Variants in PNKD observed in about 807,000 individuals in gnomAD.
PNKD encodes the protein PNKD metallo-beta-lactamase domain containing.
A neutral mutation model predicts 45.3 loss-of-function variants in PNKD; 36 were observed. The ratio of observed to expected loss-of-function variants is 0.80; its 90% CI spans 0.61 to 1.05. The LOEUF (loss-of-function observed/expected upper bound fraction) is 1.05. Ranked by LOEUF, PNKD falls within the 50% of genes least tolerant of loss-of-function variation. PNKD has a pLI of 0.00. For synonymous variants in PNKD, 197 were observed against 210.1 expected, an observed-to-expected ratio of 0.94 and a Z score of 0.54; for missense variants, 511 against 506.6, an observed-to-expected ratio of 1.01 and a Z score of -0.08.
intron 2 of PNKD, among the ~76,000 whole-genome samples, chr2:218,322,422 G>C (rs576945650): frequency 8.8e-4 from 134 of 152,320 alleles, no homozygotes; most frequent in Middle Eastern, 6.8e-3. Context: ...AGGGAGCTGG[G>C]AACGGTGATG....
intron 2 of PNKD, chr2:218,323,211 C>T (rs2106275056): frequency 1.4e-6 from 2 of 1,417,906 alleles, no homozygotes; most frequent in Non-Finnish European, 9.2e-7. Flanking sequence ...GGGCCGGGGC[C>T]GGGCCGTTGC....
intron 2 of PNKD, among the ~76,000 whole-genome samples, chr2:218,293,822 G>A (rs1171644635): frequency 2.0e-5 from 3 of 150,348 alleles, no homozygotes; most frequent in Admixed American, 6.6e-5. Context: ...TTGTTGCATA[G>A]GCTGGTCTCA....
rs1383063870 is a variant in PNKD, at chr2:218,323,140, A to G, written c.237-16643A>G. On this transcript the variant is annotated intron_variant, in intron 2 of 9. Transcript: ENST00000273077. ...GGGGGCGGGTCCAAAGGAGAGGTCAATGGGCGGGGCGGGGCCACAACGCCC... is the reference window on the plus strand; with the variant it reads ...GGGGGCGGGTCCAAAGGAGAGGTCAGTGGGCGGGGCGGGGCCACAACGCCC... The G allele has an allele frequency of 8.4e-6, 11 of 1,311,498 alleles. No individual in the cohort carries two copies. The East Asian group carries it at 3.3e-4, about 39-fold the overall frequency. The allele number at this position is 1,311,498 out of a possible 1,614,324, so 81.2% of individuals were successfully genotyped here.
At chr2:218,339,581 T>C (rs1356458701) in intron 2 of PNKD, among the ~76,000 whole-genome samples, 1 of 152,032 alleles carries the variant, frequency 6.6e-6, no homozygotes, top group Admixed American at 6.6e-5. Flanking sequence ...AGATTTTGAG[T>C]TCTAGGTGTG....
chr2:218,320,587 G>T (rs1693960685), intron 2 of PNKD, among the ~76,000 whole-genome samples: 1 of 152,142 alleles, frequency 6.6e-6, no homozygotes, highest in African/African-American at 2.4e-5. Context: ...AAAAAAGTAT[G>T]AATAAGACCC....
chr2:218,307,026 G>A (rs2106256446), intron 2 of PNKD, among the ~76,000 whole-genome samples: 2 of 152,282 alleles, frequency 1.3e-5, no homozygotes, highest in South Asian at 4.1e-4. Flanking sequence ...ACAAAACAAT[G>A]ACATTCGTTT....
intron 2 of PNKD, chr2:218,318,160 G>C (rs1239247507): frequency 1.3e-5 from 2 of 152,796 alleles, no homozygotes; most frequent in East Asian, 1.9e-4. Flanking sequence ...AGACACCAGG[G>C]ACAGGCAGCC....
chr2:218,279,990 G>T, intron 2 of PNKD: 5 of 1,572,520 alleles, frequency 3.2e-6, no homozygotes, highest in Admixed American at 1.7e-5. Context: ...AGCCTGAGGG[G>T]CCCCAGGTAC....
At chr2:218,272,740 T>A (rs1201295063) in intron 2 of PNKD, 3 of 1,613,988 alleles carry the variant, frequency 1.9e-6, no homozygotes, top group Non-Finnish European at 2.5e-6. Context: ...TCCCCTGATG[T>A]TGGGTCTGGG....
intron 2 of PNKD, among the ~76,000 whole-genome samples, chr2:218,314,888 C>T (rs1693730589): frequency 6.7e-6 from 1 of 150,016 alleles, no homozygotes; most frequent in African/African-American, 2.4e-5. Flanking sequence ...CTTGGTTTCA[C>T]CACTTTGGAC....
Position 218,344,500 on chromosome 2 carries a change from A to G in PNKD, c.914A>G (p.Glu305Gly). 6.3e-7 allele frequency: 1 copy of G among 1,591,364 alleles called. No homozygotes were observed. Residue 305 changes from glutamate (E) to glycine (G), a missense_variant, in exon 9 of 10, where the codon GAG becomes GGG. Coordinates refer to ENST00000273077, the MANE Select transcript of PNKD (RefSeq NM_015488.5). ...EENLGFAGVV[E>G]PENLARERKM... ...AACCTGGGCTTTGCAGGTGTGGTGGAGCCCGAGAACCTGGCCCGGGAGAGG... is the reference window on the plus strand; with the variant it reads ...AACCTGGGCTTTGCAGGTGTGGTGGGGCCCGAGAACCTGGCCCGGGAGAGG...
Position 218,273,487 on chromosome 2 carries a change from T to A in PNKD, c.236+1938T>A, listed in dbSNP as rs560485986. ...TGGATTTTTTTTTACTTATTTTTTT[T>A]TTTTTTTTTTGAGACAGAGTTTCAC... is the stretch of plus-strand genomic sequence containing the variant. On this transcript the variant is annotated intron_variant, in intron 2 of 9. Transcript: ENST00000273077. Among the ~76,000 whole-genome samples, 814 of 149,396 alleles carry A rather than the reference T, an allele frequency of 5.4e-3. 1 individual carries two copies. Among genetic ancestry groups the A allele is most frequent in the Non-Finnish European group, 8.5e-3 (574 of 67,206 alleles).
intron 2 of PNKD, among the ~76,000 whole-genome samples, chr2:218,317,089 G>A (rs1194247554): frequency 2.0e-5 from 3 of 152,196 alleles, no homozygotes. Flanking sequence ...TCAGGGAAAA[G>A]GACATTGGAA....
intron 2 of PNKD, among the ~76,000 whole-genome samples, chr2:218,328,217 C>T (rs1435515970): frequency 6.6e-6 from 1 of 152,194 alleles, no homozygotes; most frequent in Non-Finnish European, 1.5e-5. Flanking sequence ...AATTCTGTTT[C>T]TGCCGGTCGT....
At chr2:218,278,967 A>G in intron 2 of PNKD, 1 of 1,582,426 alleles carries the variant, frequency 6.3e-7, no homozygotes, top group Non-Finnish European at 8.7e-7. Context: ...GCCCTGAGCA[A>G]AGCTGGTCAC....
At chr2:218,282,537 C>T (rs1168105322) in intron 2 of PNKD, among the ~76,000 whole-genome samples, 1 of 152,202 alleles carries the variant, frequency 6.6e-6, no homozygotes, top group South Asian at 2.1e-4. Context: ...GCAGAACCAG[C>T]GAAGAAGCCA....
chr2:218,311,554 C>T (rs1023634538), intron 2 of PNKD, among the ~76,000 whole-genome samples: 2 of 152,200 alleles, frequency 1.3e-5, no homozygotes, highest in Non-Finnish European at 2.9e-5. Flanking sequence ...TGGATGTGCA[C>T]GTAGGCTAGA....
chr2:218,271,265 C>T, intron 1 of PNKD, 116 bp from the exon 2 acceptor site: 2 of 882,224 alleles, frequency 2.3e-6, no homozygotes, highest in South Asian at 1.3e-5. Context: ...CTTCAGACTG[C>T]AGTCACTCCC....
At chr2:218,284,349 T>C (rs1692325955) in intron 2 of PNKD, 1 of 152,360 alleles carries the variant, frequency 6.6e-6, no homozygotes, top group African/African-American at 2.4e-5. Flanking sequence ...AACTCGGCTC[T>C]GCAGGGCCTG....
Sources: allele counts gnomAD v4.1 joint callset (sites outside exome capture counted in the v4.1 genomes callset), GRCh38; gene constraint gnomAD v4.1.1; transcripts MANE v1.5; gene names NCBI Gene and HGNC (gene_info 2026-07-23, HGNC 2026-07-21).